The following SCN1A variants were observed in gnomAD, a reference collection of about 807,000 sequenced individuals.
SCN1A encodes the protein sodium voltage-gated channel alpha subunit 1.
A neutral mutation model predicts 193.7 loss-of-function variants in SCN1A; 13 were observed. That is an observed-to-expected ratio of 0.07 (90% CI 0.04 to 0.11). The LOEUF (loss-of-function observed/expected upper bound fraction) is 0.11, where lower values mean the gene tolerates loss of function less well. SCN1A is among the 10% of genes least tolerant of loss of function. The probability of loss-of-function intolerance (pLI) is 1.00; values close to 1 mark genes in which losing one functional copy is unlikely to be tolerated. For missense variants in SCN1A, 1,432 were observed against 2,451.1 expected (o/e 0.58, Z 8.78); for synonymous variants, 781 against 843.6 (o/e 0.93, Z 1.29).
Position 166,045,170 on chromosome 2 carries a change from C to G in SCN1A, c.1535G>C (p.Gly512Ala). 1 of 1,614,082 alleles carries G rather than the reference C, an allele frequency of 6.2e-7. No individual in the cohort carries two copies. The highest frequency in any genetic ancestry group is 8.5e-7 in the Non-Finnish European group (1 of 1,180,018). ...GAATTCATCCTCATCTTTCTCTTCC[C>G]CACCAGACTGCTCTTTCTGTTTTCT... ...KKRKQKEQSG[G>A]EEKDEDEFQK... Residue 512 changes from glycine (G) to alanine (A), a missense_variant, in exon 13 of 29, where the codon GGG becomes GCG. Physicochemically the swap from Gly to Ala is moderately conservative, Grantham distance 60 (BLOSUM62 0). Coordinates refer to ENST00000674923, the MANE Select transcript of SCN1A (RefSeq NM_001165963.4).
chr2:166,144,547 C>T (rs76027772), intron 1 of SCN1A, among the ~76,000 whole-genome samples: 1,788 of 151,554 alleles, frequency 0.012, 27 homozygotes, highest in Non-Finnish European at 0.016. Context: ...GCATATGATA[C>T]GAATAAATGT....
rs888687932 is a variant in SCN1A, at chr2:165,988,155, G to A, written c.*3090C>T. The A allele has an allele frequency of 3.3e-5, 5 of 152,050 alleles. No homozygotes were observed. Among genetic ancestry groups the A allele is most frequent in the South Asian group, 2.1e-4 (1 of 4,820 alleles). The allele number at this position is 152,050 out of a possible 1,614,324, so 9.4% of individuals were successfully genotyped here. On this transcript the variant is annotated 3_prime_UTR_variant, in exon 29 of 29. Transcript: ENST00000674923. ...GTTAATTTTACTATCTGGACCACCC[G>A]AGTAACCTTTCCATGATATCTGTGA...
intron 19 of SCN1A, among the ~76,000 whole-genome samples, chr2:166,034,111 T>C (rs533195789): frequency 1.9e-3 from 125 of 67,158 alleles, no homozygotes; most frequent in African/African-American, 9.2e-3. Context: ...AAAAACAGTC[T>C]ATTTTTTTTT....
chr2:165,998,303 T>A, intron 25 of SCN1A, 128 bp from the exon 26 acceptor site: 5 of 699,058 alleles, frequency 7.2e-6, no homozygotes, highest in Non-Finnish European at 7.0e-6. Context: ...TTTTTCTGAA[T>A]CAACTACCTC....
At chr2:166,077,065 T>C (rs1336750195) in intron 3 of SCN1A, 1 of 151,944 alleles carries the variant, frequency 6.6e-6, no homozygotes, top group Non-Finnish European at 1.5e-5. Flanking sequence ...CTCAGTGCTA[T>C]ATATTTGTTT....
chr2:166,103,024 T>C (rs1314129430), intron 2 of SCN1A, among the ~76,000 whole-genome samples: 2 of 152,048 alleles, frequency 1.3e-5, no homozygotes, highest in Non-Finnish European at 2.9e-5. Context: ...ATAAATTGTT[T>C]TTGAGCTGCC....
chr2:166,107,585 T>C (rs1432244061), intron 2 of SCN1A, among the ~76,000 whole-genome samples: 1 of 152,194 alleles, frequency 6.6e-6, no homozygotes, highest in Non-Finnish European at 1.5e-5. Flanking sequence ...TATTTAGATA[T>C]CTGACACATG....
At chr2:166,092,309 C>T (rs977463983) in intron 2 of SCN1A, among the ~76,000 whole-genome samples, 6 of 151,934 alleles carry the variant, frequency 3.9e-5, no homozygotes, top group Non-Finnish European at 8.8e-5. Flanking sequence ...AACTGCTTGT[C>T]CAGGTGATCA....
Position 165,991,312 on chromosome 2 carries a change from C to G in SCN1A, c.5963G>C (p.Arg1988Pro). 2.5e-6 allele frequency: 4 copies of G among 1,613,402 alleles called. No homozygotes were observed. The highest frequency in any genetic ancestry group is 1.7e-6 in the Non-Finnish European group (2 of 1,179,772). The change falls in exon 29 of 29, where the codon CGG becomes CCG. Residue 1988 changes from arginine to proline, a missense_variant. Coordinates refer to ENST00000674923, the MANE Select transcript of SCN1A (RefSeq NM_001165963.4). ...TTTTTCCACAATTGGCTTTGTCACC[C>G]GGTCATAGGAAGGTGGACAAGCTGC... ...STAACPPSYDRVTKPIVEKHE... is the reference protein window; with the variant it reads ...STAACPPSYDPVTKPIVEKHE...
chr2:166,026,679 CTTTTTTTTTTTTTT>C (rs35750460), intron 19 of SCN1A, among the ~76,000 whole-genome samples: 1 of 97,692 alleles, frequency 1.0e-5, no homozygotes, highest in African/African-American at 4.5e-5. Context: ...TTCTTTCTTT[CTTTTTTTTTTTTTT>C]TTTTTTTTGA....
At chr2:166,080,126 T>C (rs1345816774) in intron 2 of SCN1A, among the ~76,000 whole-genome samples, 1 of 151,670 alleles carries the variant, frequency 6.6e-6, no homozygotes, top group Non-Finnish European at 1.5e-5. Context: ...GAATTTTCCA[T>C]TTACACTTAC....
intron 1 of SCN1A, among the ~76,000 whole-genome samples, chr2:166,137,858 T>TC (rs1691924934): frequency 6.6e-6 from 1 of 152,186 alleles, no homozygotes; most frequent in Admixed American, 6.5e-5. Context: ...AGTTTGGAAC[T>TC]CCCTAGAGAC....
rs376669368 is a variant in SCN1A at position 165,991,498 on chromosome 2, T to C, written c.5777A>G (p.Tyr1926Cys). Residue 1926 changes from tyrosine to cysteine, a missense_variant, in exon 29 of 29, where the codon TAC (tyrosine) becomes TGC (cysteine). Around this residue, in one of 18 missense-constraint regions of SCN1A, gnomAD observed 148 missense variants for 160.3 expected, o/e 0.92. Transcript: ENST00000674923. ...AGTTCGCTTTAAAAGGTGGCGTCTG[T>C]AAGCACGCTGAATAATGACAGCAGA... ...EVSAVIIQRA[Y>C]RRHLLKRTVK... is the part of the protein sequence containing the mutation. The C allele has an allele frequency of 6.8e-6, 11 of 1,613,968 alleles. No individual in the cohort carries two copies. The highest frequency in any genetic ancestry group is 9.3e-6 in the Non-Finnish European group (11 of 1,179,914).
At chr2:166,138,753 G>T (rs1490541930) in intron 1 of SCN1A, among the ~76,000 whole-genome samples, 1 of 152,154 alleles carries the variant, frequency 6.6e-6, no homozygotes, top group Non-Finnish European at 1.5e-5. Context: ...GCTATGAGAA[G>T]AGGGTCACCA....
chr2:166,061,655 A>G (rs62179391), intron 4 of SCN1A, among the ~76,000 whole-genome samples: 34,500 of 152,138 alleles, frequency 0.23, 4,117 homozygotes, highest in East Asian at 0.36. Flanking sequence ...CATATGTATT[A>G]AAACCACTAT....
At chr2:166,031,373 C>G (rs964502166) in intron 19 of SCN1A, among the ~76,000 whole-genome samples, 1 of 152,052 alleles carries the variant, frequency 6.6e-6, no homozygotes, top group Admixed American at 6.6e-5. Context: ...GTGATTTACG[C>G]CCCCGGAATT....
At chr2:165,996,251 A>C (rs758608997) in intron 26 of SCN1A, 134 bp from the exon 27 acceptor site, 1 of 588,172 alleles carries the variant, frequency 1.7e-6, no homozygotes, top group East Asian at 3.0e-5. Context: ...TCTGGGATTT[A>C]AAATGTAAAA....
chr2:166,040,787 C>A lies in SCN1A; in HGVS notation c.2415+444G>T, dbSNP rs555084165. Among the ~76,000 whole-genome samples the A allele has an allele frequency of 2.6e-5, 4 of 152,246 alleles. No individual in the cohort carries two copies. In the South Asian group the frequency reaches 6.2e-4, roughly 24 times the overall value. On this transcript the variant is annotated intron_variant, in intron 16 of 28. Transcript: ENST00000674923. ...ATATAGAATAGATGGATAAACAATA[C>A]ATGTACTACTTAGATCCTGGAAGAG...
Position 166,044,002 on chromosome 2 carries a change from G to A in SCN1A, c.1710C>T (p.Ser570=), listed in dbSNP as rs770432127. ...CTCTAAAGCTGAAAAGGCTTGTTCT[G>A]CTATTTCGCCTTGGTGAAAATAGGG... The part of the protein sequence containing the change: ...RGSLFSPRRN[S]RTSLFSFRGR... The change falls in exon 14 of 29, where the codon AGC becomes AGT. Residue 570 remains serine, a synonymous_variant. Transcript: ENST00000674923. 64 of 1,613,992 alleles carry A rather than the reference G, an allele frequency of 4.0e-5. No homozygotes were observed. In the Admixed American group the frequency reaches 4.8e-4, roughly 12 times the overall value.
Sources: gnomAD v4.1 joint callset for allele counts (sites outside exome capture counted in the v4.1 genomes callset) on GRCh38, gnomAD v4.1.1 for gene constraint, gnomAD v4.1.1 regional missense constraint, MANE v1.5 for transcripts, NCBI Gene and HGNC (gene_info 2026-07-23, HGNC 2026-07-21) for gene names.